ZNF215: variants seen among roughly 807,000 people sequenced by gnomAD.
ZNF215 encodes BWSCR2-associated zinc finger protein 2.
Under a neutral mutation model 27.2 loss-of-function variants are expected in ZNF215, and 24 were observed. The observed-to-expected ratio is 0.88, with a 90% CI of 0.64 to 1.24. The LOEUF (loss-of-function observed/expected upper bound fraction) is 1.24. Ranked by LOEUF, ZNF215 falls within the 50% of genes most tolerant of loss-of-function variation. The pLI, the probability that ZNF215 is intolerant of heterozygous loss-of-function variation, is 0.00. For synonymous variants in ZNF215, 210 were observed against 204.0 expected (o/e 1.03, Z -0.25); for missense variants, 675 against 605.7 (o/e 1.11, Z -1.20).
At chr11:6,970,801 C>T (rs1028365616) in intron 5 of ZNF215, among the ~76,000 whole-genome samples, 1 of 152,174 alleles carries the variant, frequency 6.6e-6, no homozygotes, top group Non-Finnish European at 1.5e-5. Flanking sequence ...TCTTACTGAG[C>T]ACAAAACTAG....
chr11:6,966,289 T>C (rs1169719607), intron 5 of ZNF215, among the ~76,000 whole-genome samples: 1 of 152,014 alleles, frequency 6.6e-6, no homozygotes, highest in African/African-American at 2.4e-5. Context: ...AGTACACATG[T>C]GCACAAAGTA....
At chr11:6,942,428 G>A (rs1211019726) in intron 4 of ZNF215, among the ~76,000 whole-genome samples, 2 of 152,156 alleles carry the variant, frequency 1.3e-5, no homozygotes, top group Non-Finnish European at 2.9e-5. Context: ...ATTGATAAAC[G>A]AAATCCCAGC....
At chr11:6,960,570 C>T (rs906704923), downstream of ZNF215, among the ~76,000 whole-genome samples, 2 of 152,182 alleles carry the variant, frequency 1.3e-5, no homozygotes, top group African/African-American at 4.8e-5. Flanking sequence ...AAGTGCTTCA[C>T]CCAGGCTCTC....
Position 6,979,634 on chromosome 11 carries a change from G to A in ZNF215, c.806-4495G>A, listed in dbSNP as rs188872848. Among the ~76,000 whole-genome samples the A allele has an allele frequency of 1.2e-4, 18 of 152,124 alleles. No homozygotes were observed. The East Asian group carries it at 1.9e-3, about 16-fold the overall frequency. On this transcript the variant is annotated intron_variant, in intron 5 of 5. Transcript: ENST00000529903. ...GTAGAAGAAGGAGGTTAAGTAGCAT[G>A]TTTAAATGTCCTAAGGAGGAGAAGT... is the stretch of plus-strand genomic sequence containing the variant.
At chr11:6,953,210 G>A (rs1332894264) in intron 6 of ZNF215, among the ~76,000 whole-genome samples, 1 of 152,146 alleles carries the variant, frequency 6.6e-6, no homozygotes, top group African/African-American at 2.4e-5. Context: ...ACAATTGTAT[G>A]TCTTGGAGTT....
chr11:6,938,132 C>G (rs1849502413), intron 3 of ZNF215, among the ~76,000 whole-genome samples: 1 of 151,890 alleles, frequency 6.6e-6, no homozygotes, highest in Admixed American at 6.6e-5. Flanking sequence ...ATAAAGAACT[C>G]TTACAATTCA....
At chr11:6,986,644 A>G (rs1323009374), downstream of ZNF215, among the ~76,000 whole-genome samples, 16 of 152,024 alleles carry the variant, frequency 1.1e-4, no homozygotes, top group African/African-American at 4.8e-5. Flanking sequence ...TCCAGAATCT[A>G]CAAGGAACTT....
At chr11:6,954,368 C>A (rs1240965242) in intron 6 of ZNF215, among the ~76,000 whole-genome samples, 2 of 152,236 alleles carry the variant, frequency 1.3e-5, no homozygotes, top group Non-Finnish European at 2.9e-5. Context: ...CGAAGGCCTC[C>A]TTGAGCTGTG....
chr11:6,950,410 A>G (rs1316730453), intron 6 of ZNF215, among the ~76,000 whole-genome samples: 2 of 152,028 alleles, frequency 1.3e-5, no homozygotes, highest in African/African-American at 4.8e-5. Flanking sequence ...AATTTCATTG[A>G]GCAGTGGTTT....
At position 6,943,207 on chromosome 11, in the gene ZNF215, T is replaced by G; in HGVS notation, c.608T>G (p.Leu203Trp). 6.2e-7 allele frequency: 1 copy of G among 1,610,910 alleles called. No individual in the cohort carries two copies. The highest frequency in any genetic ancestry group is 8.5e-7 in the Non-Finnish European group (1 of 1,178,996). The change falls in exon 5 of 7, where the codon TTG becomes TGG. Residue 203 changes from leucine to tryptophan, a missense_variant. By Grantham distance (61) the Leu-to-Trp change is moderately conservative (BLOSUM62 -2). Transcript: ENST00000278319. The part of the protein sequence containing the change: ...MLENFRNLNS[L>W]RKAHLLSKPF... ...GAAAACTTTAGGAACCTGAATTCATTGCGTAAAGGTGGTTTCTATATGTTT... is the reference window on the plus strand; with the variant it reads ...GAAAACTTTAGGAACCTGAATTCATGGCGTAAAGGTGGTTTCTATATGTTT...
At chr11:6,987,082 C>T (rs1384855980), downstream of ZNF215, among the ~76,000 whole-genome samples, 2 of 152,118 alleles carry the variant, frequency 1.3e-5, no homozygotes, top group South Asian at 2.1e-4. Context: ...GACACATGCA[C>T]CCATATGTTC....
downstream of ZNF215, among the ~76,000 whole-genome samples, chr11:6,960,629 A>G (rs1282020689): frequency 1.3e-5 from 2 of 152,000 alleles, no homozygotes; most frequent in East Asian, 3.9e-4. Context: ...CTGTCCAGCT[A>G]TTTCATTTTT....
intron 6 of ZNF215, among the ~76,000 whole-genome samples, chr11:6,955,016 A>G (rs1404178183): frequency 6.6e-6 from 1 of 152,254 alleles, no homozygotes; most frequent in Non-Finnish European, 1.5e-5. Context: ...GGTGAAAGGA[A>G]GAGACCCAAT....
chr11:6,981,392 G>A (rs2133354444), intron 5 of ZNF215, among the ~76,000 whole-genome samples: 1 of 151,934 alleles, frequency 6.6e-6, no homozygotes, highest in African/African-American at 2.4e-5. Flanking sequence ...GTGTTTTTTG[G>A]CTGCATGAAT....
At chr11:6,945,599 G>C (rs75420665) in intron 6 of ZNF215, among the ~76,000 whole-genome samples, 8,630 of 152,172 alleles carry the variant, frequency 0.057, 380 homozygotes, top group African/African-American at 0.12. Flanking sequence ...TATCTCACTT[G>C]AATTCTCAGC....
intron 6 of ZNF215, among the ~76,000 whole-genome samples, chr11:6,953,580 C>T (rs1850182518): frequency 6.6e-6 from 1 of 152,220 alleles, no homozygotes; most frequent in Non-Finnish European, 1.5e-5. Flanking sequence ...TGGTTTTCAG[C>T]TCCATCAGCT....
At chr11:6,987,663 A>G (rs112782538), downstream of ZNF215, among the ~76,000 whole-genome samples, 209 of 152,344 alleles carry the variant, frequency 1.4e-3, 2 homozygotes, top group African/African-American at 4.8e-3. Context: ...TAACTCAGAG[A>G]AACTAGTCAC....
chr11:6,946,029 C>T (rs1436761163), intron 6 of ZNF215, among the ~76,000 whole-genome samples: 1 of 152,134 alleles, frequency 6.6e-6, no homozygotes, highest in Non-Finnish European at 1.5e-5. Flanking sequence ...TACCTAGTTA[C>T]ACAAGATACA....
At chr11:6,986,823 G>A (rs1288130499), downstream of ZNF215, among the ~76,000 whole-genome samples, 1 of 150,880 alleles carries the variant, frequency 6.6e-6, no homozygotes, top group African/African-American at 2.4e-5. Flanking sequence ...CAGGCAAAAT[G>A]ACTTTTGTTA....
Sources: allele counts gnomAD v4.1 joint callset (sites outside exome capture counted in the v4.1 genomes callset), GRCh38; gene constraint gnomAD v4.1.1; transcripts MANE v1.5; gene names NCBI Gene and HGNC (gene_info 2026-07-23, HGNC 2026-07-21).